SLC26A3: variants seen among roughly 807,000 people sequenced by gnomAD.
SLC26A3 encodes solute carrier family 26 member 3, also known as chloride anion exchanger.
SLC26A3 carries 64 observed loss-of-function variants against 85.6 expected under a neutral mutation model. The observed-to-expected ratio is 0.75, with a 90% confidence interval of 0.61 to 0.92. SLC26A3 has a LOEUF of 0.92. SLC26A3 is among the 40% of genes least tolerant of loss of function. The probability of loss-of-function intolerance (pLI) is 0.00; values close to 1 mark genes in which losing one functional copy is unlikely to be tolerated. For synonymous variants in SLC26A3, 349 were observed against 336.0 expected, an observed-to-expected ratio of 1.04 and a Z score of -0.42; for missense variants, 922 against 927.3, an observed-to-expected ratio of 0.99 and a Z score of 0.07.
At chr7:107,780,332 G>T (rs141337599) in intron 11 of SLC26A3, among the ~76,000 whole-genome samples, 1 of 152,242 alleles carries the variant, frequency 6.6e-6, no homozygotes, top group Non-Finnish European at 1.5e-5. Context: ...TGAATGAGTG[G>T]CTGAGCCAAT....
rs148979988 is a variant in SLC26A3, at chr7:107,771,958, T to C, written c.2062+96A>G. The C allele has an allele frequency of 7.6e-4, 634 of 830,554 alleles. 4 individuals are homozygous for C. The African/African-American group carries it at 9.7e-3, about 13-fold the overall frequency. 51.4% of individuals were successfully genotyped at this position (830,554 alleles called of 1,614,324 possible). On this transcript the variant is annotated intron_variant, in intron 18 of 20. Transcript: ENST00000340010. ...ATATTAGATTTTCATCATGATTATA[T>C]AAAATACTCATTCTTTGGAGAGGCT...
chr7:107,766,099 T>C (rs1793909933), intron 20 of SLC26A3, among the ~76,000 whole-genome samples: 2 of 152,210 alleles, frequency 1.3e-5, no homozygotes. Context: ...TACAGTGTGT[T>C]GTAGCAATAT....
chr7:107,774,620 G>C (rs1160317729), intron 16 of SLC26A3, among the ~76,000 whole-genome samples, 157 bp downstream of exon 16: 1 of 152,172 alleles, frequency 6.6e-6, no homozygotes, highest in African/African-American at 2.4e-5. Context: ...ATTTTAGGGA[G>C]ACCCTCAGAA....
At chr7:107,782,183 T>G (rs984760230) in intron 11 of SLC26A3, among the ~76,000 whole-genome samples, 12 of 152,186 alleles carry the variant, frequency 7.9e-5, no homozygotes, top group African/African-American at 2.9e-4. Context: ...ACTGTCATCT[T>G]GTTTCCTAGA....
At chr7:107,785,260 G>A (rs1794274244) in intron 8 of SLC26A3, among the ~76,000 whole-genome samples, 1 of 152,144 alleles carries the variant, frequency 6.6e-6, no homozygotes, top group Non-Finnish European at 1.5e-5. Flanking sequence ...AGAACATTGA[G>A]GCACAGAGTT....
chr7:107,782,969 T>G lies in SLC26A3; in HGVS notation c.1233+11A>C. The G allele has an allele frequency of 1.9e-6, 3 of 1,613,746 alleles. No homozygotes were observed. In the South Asian group the frequency reaches 3.3e-5, roughly 18 times the overall value. ...GCTAGGACAGTGCTTGCAGCAAAGA[T>G]CTTGACATACCTGTGTTTTGCCTCC... On this transcript the variant is annotated intron_variant, in intron 10 of 20. Coordinates refer to ENST00000340010, the MANE Select transcript of SLC26A3 (RefSeq NM_000111.3).
intron 8 of SLC26A3, 31 bp downstream of exon 8, chr7:107,786,796 A>G (rs755273640): frequency 1.3e-6 from 2 of 1,559,136 alleles, no homozygotes; most frequent in Non-Finnish European, 8.8e-7. Flanking sequence ...TGCTTAGTGC[A>G]TGGTGATGCC....
chr7:107,773,709 C>T (rs1026335819), intron 17 of SLC26A3, among the ~76,000 whole-genome samples: 5 of 152,174 alleles, frequency 3.3e-5, no homozygotes, highest in African/African-American at 7.2e-5. Context: ...CGCCACCACA[C>T]CCAGCTGATT....
Position 107,765,881 on chromosome 7 carries a change from GGAA to G in SLC26A3, c.2272-6_2272-4del. The stretch of plus-strand genomic sequence containing the variant: ...TAGAATTTTGTTTCAACTGGCACCT[GGAA>G]GAAGACAGAAAGTTCTTGTTTTAAA... On this transcript the variant is annotated splice_region_variant and splice_polypyrimidine_tract_variant and intron_variant, in intron 20 of 20. Coordinates refer to ENST00000340010, the MANE Select transcript of SLC26A3 (RefSeq NM_000111.3). 6.2e-7 allele frequency: 1 copy of G among 1,609,704 alleles called. No homozygotes were observed. The highest frequency in any genetic ancestry group is 8.5e-7 in the Non-Finnish European group (1 of 1,176,430).
At chr7:107,776,423 GA>G (rs771040356) in intron 15 of SLC26A3, 28 bp downstream of exon 15, 9 of 1,551,044 alleles carry the variant, frequency 5.8e-6, no homozygotes, top group South Asian at 4.5e-5. Flanking sequence ...AGATTACAAG[GA>G]AAAAAATTAA....
At chr7:107,774,259 C>G (rs1262388418) in intron 16 of SLC26A3, 106 bp from the exon 17 acceptor site, 1 of 905,026 alleles carries the variant, frequency 1.1e-6, no homozygotes, top group South Asian at 1.3e-5. Context: ...TTGAGCCAAA[C>G]GATGGGATTG....
intron 20 of SLC26A3, among the ~76,000 whole-genome samples, chr7:107,766,738 C>A (rs557845602): frequency 1.3e-5 from 2 of 152,212 alleles, no homozygotes; most frequent in East Asian, 3.9e-4. Context: ...TCCCTCAATC[C>A]GTTGTCTTTC....
chr7:107,794,909 T>G (rs1291406729), intron 1 of SLC26A3, among the ~76,000 whole-genome samples: 1 of 152,248 alleles, frequency 6.6e-6, no homozygotes, highest in Non-Finnish European at 1.5e-5. Flanking sequence ...CCCAGAAATA[T>G]TTCCAAAGTT....
intron 1 of SLC26A3, among the ~76,000 whole-genome samples, chr7:107,797,944 T>C (rs534624143): frequency 7.2e-5 from 11 of 152,250 alleles, no homozygotes; most frequent in Admixed American, 5.2e-4. Flanking sequence ...ATTACGCCCA[T>C]ATTAATGTAA....
intron 1 of SLC26A3, among the ~76,000 whole-genome samples, chr7:107,796,141 A>G (rs1468936521): frequency 6.6e-6 from 1 of 151,824 alleles, no homozygotes; most frequent in Non-Finnish European, 1.5e-5. Flanking sequence ...ACAGGATCTC[A>G]CTGTCGCTTG....
chr7:107,800,219 G>A (rs945086110), intron 1 of SLC26A3, among the ~76,000 whole-genome samples: 7 of 152,188 alleles, frequency 4.6e-5, no homozygotes, highest in Admixed American at 3.3e-4. Context: ...GCACAGCTGG[G>A]TGCAGTGGCT....
intron 11 of SLC26A3, among the ~76,000 whole-genome samples, chr7:107,781,363 A>C (rs1338530656): frequency 6.6e-6 from 1 of 152,192 alleles, no homozygotes; most frequent in African/African-American, 2.4e-5. Flanking sequence ...TGAAACAAAG[A>C]CATTCCTGAC....
At chr7:107,787,580 A>G in intron 6 of SLC26A3, 71 bp from the exon 7 acceptor site, 2 of 1,324,218 alleles carry the variant, frequency 1.5e-6, no homozygotes, top group Non-Finnish European at 2.1e-6. Flanking sequence ...GCATCTCCAA[A>G]CAAATAAAAA....
chr7:107,770,069 TTC>T (rs1282323618), intron 18 of SLC26A3, among the ~76,000 whole-genome samples: 7 of 148,078 alleles, frequency 4.7e-5, no homozygotes, highest in East Asian at 2.0e-4. Context: ...TTCTTTTTCT[TTC>T]TCTCTTTTTT....
Sources: allele counts gnomAD v4.1 joint callset (sites outside exome capture counted in the v4.1 genomes callset), GRCh38; gene constraint gnomAD v4.1.1; transcripts MANE v1.5; gene names NCBI Gene and HGNC (gene_info 2026-07-23, HGNC 2026-07-21).